The following PDE10A variants were observed in gnomAD, a reference collection of about 807,000 sequenced individuals.
PDE10A encodes phosphodiesterase 10A.
Under a neutral mutation model 97.7 loss-of-function variants are expected in PDE10A, and 39 were observed. The ratio of observed to expected loss-of-function variants is 0.40; its 90% CI spans 0.31 to 0.52. The LOEUF (loss-of-function observed/expected upper bound fraction) is 0.52, where lower values mean the gene tolerates loss of function less well. PDE10A is among the 20% of genes least tolerant of loss of function. PDE10A has a pLI of 0.56. For missense variants in PDE10A, 731 were observed against 1,047.8 expected (o/e 0.70, Z 4.17); for synonymous variants, 371 against 376.8 (o/e 0.98, Z 0.18).
intron 1 of PDE10A, among the ~76,000 whole-genome samples, chr6:165,790,039 G>A (rs188070003): frequency 1.5e-4 from 23 of 152,268 alleles, no homozygotes; most frequent in Admixed American, 1.3e-3. Flanking sequence ...AGGAAGGCAC[G>A]CTCTGAAGAT....
chr6:165,524,391 G>C (rs1782304783), intron 2 of PDE10A, among the ~76,000 whole-genome samples: 2 of 152,110 alleles, frequency 1.3e-5, no homozygotes, highest in South Asian at 2.1e-4. Context: ...TAACAATATG[G>C]AGAACACCAA....
intron 1 of PDE10A, among the ~76,000 whole-genome samples, chr6:165,623,156 TTTGAGACAGGGTCACCCAGGCTG>T (rs1788224847): frequency 1.3e-5 from 2 of 152,256 alleles, no homozygotes; most frequent in Admixed American, 1.3e-4. Flanking sequence ...TTATTTATTT[TTTGAGACAGGGTCACCCAGGCTG>T]GAGTGGCACG....
chr6:165,386,727 G>T (rs1343028378), intron 17 of PDE10A, among the ~76,000 whole-genome samples: 2 of 151,906 alleles, frequency 1.3e-5, no homozygotes, highest in Non-Finnish European at 2.9e-5. Flanking sequence ...ATGCAGCCAG[G>T]CGCGGTGGCT....
chr6:165,712,553 T>C (rs928071837), intron 1 of PDE10A, among the ~76,000 whole-genome samples: 1 of 152,080 alleles, frequency 6.6e-6, no homozygotes, highest in Non-Finnish European at 1.5e-5. Flanking sequence ...AAATTCAGCT[T>C]TTCTGCTGTT....
intron 1 of PDE10A, among the ~76,000 whole-genome samples, chr6:165,830,690 G>A (rs959403178): frequency 2.6e-5 from 4 of 152,118 alleles, no homozygotes; most frequent in African/African-American, 9.7e-5. Context: ...TTATGAACGG[G>A]AGATGTTCTG....
chr6:165,940,531 G>A (rs1234125009), intron 1 of PDE10A: 1 of 152,284 alleles, frequency 6.6e-6, no homozygotes, highest in Non-Finnish European at 1.5e-5. Flanking sequence ...TCCCGGCGCA[G>A]CCTGGCGCTC....
intron 5 of PDE10A, among the ~76,000 whole-genome samples, chr6:165,441,193 T>C (rs868565934): frequency 6.6e-6 from 1 of 152,154 alleles, no homozygotes; most frequent in Non-Finnish European, 1.5e-5. Flanking sequence ...CCCACTGAAA[T>C]ATTGTCTTCT....
rs532394060 is a variant in PDE10A, at chr6:165,357,715, T to TCA, written c.2784-14215_2784-14214dup. Among the ~76,000 whole-genome samples, 351 of 150,636 alleles carry TCA rather than the reference T, an allele frequency of 2.3e-3. 1 individual carries two copies. The highest frequency in any genetic ancestry group is 7.9e-3 in the African/African-American group (321 of 40,662). Reference sequence around the variant, plus strand: ...CTAAGTGCTATCCCCTCTTTCACTGTCAACATTGGCAATTGGTGTTAATAT... The same window carrying TCA: ...CTAAGTGCTATCCCCTCTTTCACTGTCACAACATTGGCAATTGGTGTTAATAT... On this transcript the variant is annotated intron_variant, in intron 18 of 21. Transcript: ENST00000539869.
At position 165,750,663 on chromosome 6, in the gene PDE10A, A is replaced by T. The variant is rs115056106; in HGVS notation, c.-614-207095T>A. 4.7e-3 allele frequency among the ~76,000 whole-genome samples: 718 copies of T among 152,264 alleles called. 7 individuals carry two copies. The highest frequency in any genetic ancestry group is 0.017 in the African/African-American group (689 of 41,558). Reference sequence around the variant, plus strand: ...CACATTTTCTTCAACTTCTGAGTGGAGTTCTTTGACTGTCATGAGGAGTTT... The same window carrying T: ...CACATTTTCTTCAACTTCTGAGTGGTGTTCTTTGACTGTCATGAGGAGTTT... On this transcript the variant is annotated intron_variant, in intron 1 of 19. Transcript: ENST00000366882.
intron 1 of PDE10A, among the ~76,000 whole-genome samples, chr6:165,827,135 G>A (rs1779782677): frequency 6.6e-6 from 1 of 152,198 alleles, no homozygotes; most frequent in African/African-American, 2.4e-5. Context: ...GCCCTCCGCC[G>A]TGGTCTAGAC....
At chr6:165,758,537 G>C (rs1274143005) in intron 1 of PDE10A, among the ~76,000 whole-genome samples, 1 of 149,466 alleles carries the variant, frequency 6.7e-6, no homozygotes, top group Non-Finnish European at 1.5e-5. Flanking sequence ...AGAAGAGGAA[G>C]AGGAAGAGGA....
intron 1 of PDE10A, among the ~76,000 whole-genome samples, chr6:165,811,424 C>G (rs534754623): frequency 1.9e-4 from 29 of 152,182 alleles, no homozygotes; most frequent in Non-Finnish European, 4.3e-4. Flanking sequence ...CCTAGGCCCT[C>G]GCCTGAGCTA....
chr6:165,781,902 G>T (rs970770976), intron 1 of PDE10A: 1 of 152,150 alleles, frequency 6.6e-6, no homozygotes, highest in Non-Finnish European at 1.5e-5. Context: ...TGAGACTTGT[G>T]TTGTTCTTCT....
intron 14 of PDE10A, 73 bp downstream of exon 14, chr6:165,396,244 A>G: frequency 7.1e-7 from 1 of 1,399,066 alleles, no homozygotes; most frequent in Non-Finnish European, 1.0e-6. Context: ...CTCTAATTCT[A>G]TAATCTGTCT....
chr6:165,463,124 G>T (rs1778423014), intron 3 of PDE10A, among the ~76,000 whole-genome samples: 1 of 152,196 alleles, frequency 6.6e-6, no homozygotes, highest in Non-Finnish European at 1.5e-5. Flanking sequence ...CTCTCAGTCT[G>T]CGAGCCACAG....
intron 3 of PDE10A, among the ~76,000 whole-genome samples, chr6:165,454,490 T>C (rs1177224316): frequency 2.0e-5 from 3 of 152,170 alleles, no homozygotes; most frequent in Middle Eastern, 3.2e-3. Context: ...GATGGCCCCG[T>C]CTTCATAAAT....
intron 1 of PDE10A, among the ~76,000 whole-genome samples, chr6:165,668,690 GGAAA>G (rs892327155): frequency 2.7e-5 from 4 of 149,218 alleles, no homozygotes; most frequent in Non-Finnish European, 4.5e-5. Context: ...GAAAAAGAAA[GGAAA>G]GGAAGGAAGA....
intron 1 of PDE10A, chr6:165,947,201 T>A (rs1233804760): frequency 2.6e-5 from 4 of 152,198 alleles, no homozygotes; most frequent in Non-Finnish European, 5.9e-5. Context: ...TTTTCCTCTA[T>A]CTCCCATATT....
intron 3 of PDE10A, among the ~76,000 whole-genome samples, chr6:165,463,812 T>C (rs1778472420): frequency 6.6e-6 from 1 of 152,192 alleles, no homozygotes. Context: ...GGGCAAGGAA[T>C]ACCTGGCCCG....
Sources: allele counts gnomAD v4.1 joint callset (sites outside exome capture counted in the v4.1 genomes callset), GRCh38; gene constraint gnomAD v4.1.1; transcripts MANE v1.5; gene names NCBI Gene and HGNC (gene_info 2026-07-23, HGNC 2026-07-21).